WDPCP: variants seen among roughly 807,000 people sequenced by gnomAD.
The protein encoded by WDPCP is WD repeat-containing and planar cell polarity effector protein fritz homolog.
A neutral mutation model predicts 93.1 loss-of-function variants in WDPCP; 71 were observed. The observed-to-expected ratio is 0.76, with a 90% CI of 0.63 to 0.93. The LOEUF (loss-of-function observed/expected upper bound fraction) is 0.93, where lower values mean the gene tolerates loss of function less well. Ranked by LOEUF, WDPCP falls within the 40% of genes least tolerant of loss-of-function variation. The pLI is 0.00. For missense variants in WDPCP, 844 were observed against 887.4 expected, an observed-to-expected ratio of 0.95 and a Z score of 0.62; for synonymous variants, 315 against 315.0, an observed-to-expected ratio of 1.00 and a Z score of 0.00.
At chr2:63,493,313 T>C (rs1021513207) in intron 1 of WDPCP, among the ~76,000 whole-genome samples, 7 of 152,158 alleles carry the variant, frequency 4.6e-5, no homozygotes, top group Admixed American at 1.3e-4. Flanking sequence ...TGTTGGTAGT[T>C]ATTAAGTACG....
intron 2 of WDPCP, among the ~76,000 whole-genome samples, chr2:63,677,036 C>T (rs1310547564): frequency 6.6e-6 from 1 of 152,126 alleles, no homozygotes; most frequent in African/African-American, 2.4e-5. Flanking sequence ...ACTACTCCCC[C>T]ACAAAAAATC....
At chr2:63,292,057 CG>C (rs1340928096) in intron 13 of WDPCP, among the ~76,000 whole-genome samples, 2 of 145,446 alleles carry the variant, frequency 1.4e-5, no homozygotes, top group Non-Finnish European at 3.0e-5. Flanking sequence ...GGCGTGAACC[CG>C]GGAGGTGGAG....
chr2:63,404,513 T>C lies in WDPCP; in HGVS notation c.970A>G (p.Asn324Asp). The C allele has an allele frequency of 6.2e-7, 1 of 1,613,852 alleles. No homozygotes were observed. The highest frequency in any genetic ancestry group is 1.1e-5 in the South Asian group (1 of 91,058). The change falls in exon 10 of 18, where the codon AAT becomes GAT. Residue 324 changes from asparagine to aspartate, a missense_variant. Transcript: ENST00000272321. ...ADSCIYECIRNKIQCVSVTRI... is the reference protein window; with the variant it reads ...ADSCIYECIRDKIQCVSVTRI... ...GTGACTGACACACACTGGATTTTATTCCGAATGCATTCATAGATGCAGCTG... is the reference window on the plus strand; with the variant it reads ...GTGACTGACACACACTGGATTTTATCCCGAATGCATTCATAGATGCAGCTG...
chr2:63,724,396 A>C (rs1052411792), intron 2 of WDPCP, among the ~76,000 whole-genome samples: 1 of 152,148 alleles, frequency 6.6e-6, no homozygotes, highest in African/African-American at 2.4e-5. Context: ...ACTGTTGATC[A>C]CATTTTCTGA....
intron 2 of WDPCP, among the ~76,000 whole-genome samples, chr2:63,795,554 GA>G (rs1266498182): frequency 1.4e-5 from 2 of 147,232 alleles, no homozygotes; most frequent in Admixed American, 6.8e-5. Context: ...AGAGAGGGGG[GA>G]AGAAAGAAAG....
At chr2:63,507,332 A>G (rs1035940832) in intron 1 of WDPCP, among the ~76,000 whole-genome samples, 5 of 152,146 alleles carry the variant, frequency 3.3e-5, no homozygotes, top group Non-Finnish European at 5.9e-5. Flanking sequence ...AGTTGTTAGA[A>G]GACAAAGGAG....
intron 2 of WDPCP, among the ~76,000 whole-genome samples, chr2:63,789,360 A>G (rs1015333843): frequency 6.6e-6 from 1 of 152,116 alleles, no homozygotes; most frequent in Non-Finnish European, 1.5e-5. Flanking sequence ...GGCCACACAA[A>G]ACCTGGGTCT....
chr2:63,793,872 G>C (rs1454450875), intron 2 of WDPCP, among the ~76,000 whole-genome samples: 1 of 45,582 alleles, frequency 2.2e-5, no homozygotes, highest in African/African-American at 8.7e-5. Context: ...TACTTACATT[G>C]TGTGTGTGTG....
chr2:63,134,484 A>G (rs1207659067), intron 17 of WDPCP, among the ~76,000 whole-genome samples: 3 of 152,216 alleles, frequency 2.0e-5, no homozygotes, highest in Non-Finnish European at 2.9e-5. Flanking sequence ...AAACACCCAC[A>G]CAGACATACA....
intron 1 of WDPCP, among the ~76,000 whole-genome samples, chr2:63,558,952 T>C (rs887768801): frequency 6.6e-6 from 1 of 152,166 alleles, no homozygotes; most frequent in African/African-American, 2.4e-5. Flanking sequence ...ATCATCCTGA[T>C]ACCAAAACCT....
At chr2:63,538,735 A>G (rs1575606392) in intron 1 of WDPCP, among the ~76,000 whole-genome samples, 2 of 152,272 alleles carry the variant, frequency 1.3e-5, no homozygotes, top group South Asian at 4.1e-4. Context: ...TTTGACATGT[A>G]TTTTCAAACT....
chr2:63,147,640 A>G (rs1191920404), intron 17 of WDPCP, among the ~76,000 whole-genome samples: 1 of 152,216 alleles, frequency 6.6e-6, no homozygotes, highest in Non-Finnish European at 1.5e-5. Flanking sequence ...TAAGATGTTG[A>G]GCAAAATGGA....
intron 14 of WDPCP, among the ~76,000 whole-genome samples, chr2:63,205,771 C>A (rs1353489180): frequency 6.6e-6 from 1 of 152,010 alleles, no homozygotes; most frequent in Non-Finnish European, 1.5e-5. Flanking sequence ...CATCTGCAAA[C>A]AAGGACAGTT....
rs143337577 is a variant in WDPCP at position 63,336,616 on chromosome 2, T to A, written c.1749-23305A>T. ...AATTAAGATTATTGTATGGCTTTCC[T>A]CGTTGCTTCCACTCATGATTGACAG... On this transcript the variant is annotated intron_variant, in intron 12 of 17. Transcript: ENST00000272321. Among the ~76,000 whole-genome samples, 423 of 152,260 alleles carry A rather than the reference T, an allele frequency of 2.8e-3. 1 individual carries two copies. Among genetic ancestry groups the A allele is most frequent in the African/African-American group, 9.6e-3 (399 of 41,556 alleles).
At chr2:63,545,527 T>C in intron 1 of WDPCP, among the ~76,000 whole-genome samples, 1 of 152,144 alleles carries the variant, frequency 6.6e-6, no homozygotes, top group Non-Finnish European at 1.5e-5. Context: ...GCATCAGGCT[T>C]CTATAATGAT....
chr2:63,596,286 C>T (rs1294728380), intron 3 of WDPCP, among the ~76,000 whole-genome samples: 3 of 152,160 alleles, frequency 2.0e-5, no homozygotes, highest in Admixed American at 6.5e-5. Context: ...CCAAGAAAAA[C>T]TTTCCTTAAA....
At chr2:63,599,401 G>T in intron 3 of WDPCP, 1 of 1,075,712 alleles carries the variant, frequency 9.3e-7, no homozygotes. Flanking sequence ...TTTTTGTTTA[G>T]TAGGAACCTA....
At chr2:63,705,249 G>T (rs1669130425) in intron 2 of WDPCP, among the ~76,000 whole-genome samples, 1 of 152,140 alleles carries the variant, frequency 6.6e-6, no homozygotes. Flanking sequence ...CAAAAAAGCA[G>T]CTCCTGGATA....
chr2:63,822,972 C>A (rs2104135197), intron 1 of WDPCP, among the ~76,000 whole-genome samples: 1 of 151,436 alleles, frequency 6.6e-6, no homozygotes, highest in African/African-American at 2.4e-5. Flanking sequence ...CACCCATTGA[C>A]AAATTTAATT....
Sources: gnomAD v4.1 joint callset for allele counts (sites outside exome capture counted in the v4.1 genomes callset) on GRCh38, gnomAD v4.1.1 for gene constraint, MANE v1.5 for transcripts, NCBI Gene and HGNC (gene_info 2026-07-23, HGNC 2026-07-21) for gene names.